Variants in PLCB4 observed in about 807,000 individuals in gnomAD.
The protein encoded by PLCB4 is phospholipase C beta 4, also known as 1-phosphatidylinositol 4,5-bisphosphate phosphodiesterase beta-4.
A neutral mutation model predicts 178.8 loss-of-function variants in PLCB4; 77 were observed. The observed-to-expected ratio is 0.43, with a 90% CI of 0.36 to 0.52. The LOEUF is 0.52. PLCB4 is among the 20% of genes least tolerant of loss of function. PLCB4 has a pLI of 0.00. For synonymous variants in PLCB4, 496 were observed against 490.8 expected, an observed-to-expected ratio of 1.01 and a Z score of -0.14; for missense variants, 1,024 against 1,453.4, an observed-to-expected ratio of 0.70 and a Z score of 4.80.
rs1272725083 is a variant in PLCB4, at chr20:9,333,010, C to G, written c.85-4116C>G. ...TTTAGGCAGACGGCCTCAACCAGTG[C>G]CCTTGTAATTGCACTTCTATCCTTG... On this transcript the variant is annotated intron_variant, in intron 4 of 39. Transcript: ENST00000378473. Among the ~76,000 whole-genome samples, 7 of 152,284 alleles carry G rather than the reference C, an allele frequency of 4.6e-5. No homozygotes were observed. In the South Asian group the frequency reaches 1.0e-3, roughly 23 times the overall value.
intron 1 of PLCB4, among the ~76,000 whole-genome samples, chr20:9,086,134 G>C (rs187539031): frequency 2.9e-4 from 44 of 152,104 alleles, no homozygotes; most frequent in Admixed American, 2.6e-4. Flanking sequence ...CACTCACTTT[G>C]ACCTTAGGAC....
chr20:9,315,310 C>T (rs78738620), intron 4 of PLCB4, among the ~76,000 whole-genome samples: 5 of 152,176 alleles, frequency 3.3e-5, no homozygotes, highest in South Asian at 4.1e-4. Flanking sequence ...TTTAACAATT[C>T]GGAAATATTT....
chr20:9,383,085 G>A (rs1052724254), intron 13 of PLCB4, among the ~76,000 whole-genome samples: 3 of 152,120 alleles, frequency 2.0e-5, no homozygotes, highest in Non-Finnish European at 4.4e-5. Context: ...AAAATAGCAA[G>A]TTGCAAATGC....
chr20:9,315,190 C>G (rs573930937), intron 4 of PLCB4, among the ~76,000 whole-genome samples: 65 of 152,286 alleles, frequency 4.3e-4, no homozygotes, highest in African/African-American at 1.4e-3. Flanking sequence ...TTATATGAGT[C>G]TTTCACACAC....
rs367967938 is a variant in PLCB4, at chr20:9,437,093, G to A, written c.2705G>A (p.Ser902Asn). 18 of 1,613,582 alleles carry A rather than the reference G, an allele frequency of 1.1e-5. No homozygotes were observed. The Admixed American group carries it at 3.0e-4, about 27-fold the overall frequency. Residue 902 changes from serine to asparagine, a missense_variant, in exon 30 of 40, where the codon AGC becomes AAC. By Grantham distance (46) the Ser-to-Asn change is conservative. Around this residue, in one of 7 missense-constraint regions of PLCB4, gnomAD observed 227 missense variants for 374.3 expected, o/e 0.61. Coordinates refer to ENST00000378473, the MANE Select transcript of PLCB4 (RefSeq NM_001377142.1). Reference sequence around the variant, plus strand: ...AAAGCAAATGTGACCCCTCAGAGTAGCTCTGAGCTCAGACCAACCACCACG... The same window carrying A: ...AAAGCAAATGTGACCCCTCAGAGTAACTCTGAGCTCAGACCAACCACCACG... Reference protein sequence around the residue: ...TAKANVTPQSSSELRPTTTAA... With the variant: ...TAKANVTPQSNSELRPTTTAA...
At chr20:9,162,320 T>C (rs1399641934) in intron 2 of PLCB4, among the ~76,000 whole-genome samples, 1 of 152,170 alleles carries the variant, frequency 6.6e-6, no homozygotes, top group Non-Finnish European at 1.5e-5. Flanking sequence ...CATAGACTTT[T>C]GGAGGAAAAG....
At chr20:9,369,333 A>G (rs1205287455) in intron 9 of PLCB4, among the ~76,000 whole-genome samples, 4 of 152,192 alleles carry the variant, frequency 2.6e-5, no homozygotes, top group Non-Finnish European at 5.9e-5. Context: ...ATCCTGCCAG[A>G]GTCTTACTAG....
At chr20:9,297,717 G>C (rs1317988825) in intron 3 of PLCB4, among the ~76,000 whole-genome samples, 1 of 151,942 alleles carries the variant, frequency 6.6e-6, no homozygotes, top group Non-Finnish European at 1.5e-5. Context: ...TGAATGACAA[G>C]GGATTATCAG....
chr20:9,130,670 T>G (rs2092249779), intron 2 of PLCB4, among the ~76,000 whole-genome samples: 1 of 152,210 alleles, frequency 6.6e-6, no homozygotes. Context: ...AGGAACAAAC[T>G]TATCTGATTT....
At chr20:9,397,807 A>G (rs1441371438) in intron 19 of PLCB4, among the ~76,000 whole-genome samples, 1 of 152,206 alleles carries the variant, frequency 6.6e-6, no homozygotes, top group African/African-American at 2.4e-5. Flanking sequence ...GTTACTATGC[A>G]ATAAACCATC....
chr20:9,286,654 C>T (rs2094538998), intron 3 of PLCB4, among the ~76,000 whole-genome samples: 1 of 152,000 alleles, frequency 6.6e-6, no homozygotes, highest in Admixed American at 6.6e-5. Context: ...AATATAACCA[C>T]AACATACAGT....
chr20:9,267,199 A>G (rs1652145048), intron 3 of PLCB4, among the ~76,000 whole-genome samples: 1 of 152,236 alleles, frequency 6.6e-6, no homozygotes, highest in Admixed American at 6.5e-5. Flanking sequence ...AAACAACAGT[A>G]TTAAAGTGAT....
intron 4 of PLCB4, among the ~76,000 whole-genome samples, chr20:9,332,968 A>G (rs1295761180): frequency 6.6e-6 from 1 of 152,172 alleles, no homozygotes; most frequent in African/African-American, 2.4e-5. Flanking sequence ...TATGCATTAC[A>G]AAAAGGGACT....
chr20:9,304,231 G>A (rs1442972919), intron 3 of PLCB4, among the ~76,000 whole-genome samples: 5 of 150,416 alleles, frequency 3.3e-5, no homozygotes. Context: ...GTGTATGTAT[G>A]TGTGTGTGGG....
rs548334084 is a variant in PLCB4 at position 9,114,930 on chromosome 20, G to C, written c.-79+18588G>C. On this transcript the variant is annotated intron_variant, in intron 2 of 39. Coordinates refer to ENST00000378473, the MANE Select transcript of PLCB4 (RefSeq NM_001377142.1). The stretch of plus-strand genomic sequence containing the variant: ...CCTGGAGTAGGTGATCTGTGACACC[G>C]GCCTTTGGTTGCTGTGTTTGGCCAT... 1.9e-4 allele frequency among the ~76,000 whole-genome samples: 29 copies of C among 152,240 alleles called. No individual in the cohort carries two copies. In the South Asian group the frequency reaches 3.7e-3, roughly 20 times the overall value.
chr20:9,411,160 C>T, intron 25 of PLCB4, 72 bp downstream of exon 25: 1 of 995,920 alleles, frequency 1.0e-6, no homozygotes, highest in Non-Finnish European at 1.6e-6. Flanking sequence ...GAAGCCATGT[C>T]ATTTTCAATT....
chr20:9,376,474 T>C (rs1487342887), intron 12 of PLCB4, among the ~76,000 whole-genome samples: 2 of 152,142 alleles, frequency 1.3e-5, no homozygotes, highest in East Asian at 1.9e-4. Flanking sequence ...CATCTATGTC[T>C]CTTAGTCTCA....
intron 2 of PLCB4, among the ~76,000 whole-genome samples, chr20:9,161,367 G>A (rs1217830158): frequency 6.6e-6 from 1 of 152,182 alleles, no homozygotes; most frequent in Non-Finnish European, 1.5e-5. Flanking sequence ...AGTTTTATAG[G>A]GAAGATAACG....
intron 2 of PLCB4, among the ~76,000 whole-genome samples, chr20:9,191,195 G>C (rs1048716123): frequency 1.1e-4 from 17 of 152,020 alleles, no homozygotes; most frequent in African/African-American, 3.9e-4. Flanking sequence ...GGAATATCAG[G>C]GCTATGGTTT....
Sources: allele counts gnomAD v4.1 joint callset (sites outside exome capture counted in the v4.1 genomes callset), GRCh38; gene constraint gnomAD v4.1.1; regional missense constraint gnomAD v4.1.1; transcripts MANE v1.5; gene names NCBI Gene and HGNC (gene_info 2026-07-23, HGNC 2026-07-21).